GPATCH8: variants seen among roughly 807,000 people sequenced by gnomAD.
GPATCH8 encodes G patch domain-containing protein 8.
Under a neutral mutation model 118.3 loss-of-function variants are expected in GPATCH8, and 18 were observed. The ratio of observed to expected loss-of-function variants is 0.15; its 90% confidence interval spans 0.11 to 0.23. GPATCH8 has a LOEUF of 0.23. Among genes scored for constraint, GPATCH8 ranks in the 10% least tolerant of loss-of-function variants. The pLI, the probability that GPATCH8 is intolerant of heterozygous loss-of-function variation, is 1.00. For synonymous variants in GPATCH8, 659 were observed against 684.7 expected, an observed-to-expected ratio of 0.96 and a Z score of 0.59; for missense variants, 1,631 against 1,873.8, an observed-to-expected ratio of 0.87 and a Z score of 2.39.
rs766783789 is a variant in GPATCH8, at chr17:44,396,435, C to T, written c.*1133G>A. 2.9e-5 allele frequency: 13 copies of T among 454,284 alleles called. No homozygotes were observed. Among genetic ancestry groups the T allele is most frequent in the African/African-American group, 1.0e-4 (5 of 50,000 alleles). The allele number at this position is 454,284 out of a possible 1,614,324, so 28.1% of individuals were successfully genotyped here. On this transcript the variant is annotated 3_prime_UTR_variant, in exon 8 of 8. Transcript: ENST00000591680. Reference sequence around the variant, plus strand: ...AAAAATCCCAATACTGGGGGCACTACATACTGCAAATTACTTAACATTTTG... The same window carrying T: ...AAAAATCCCAATACTGGGGGCACTATATACTGCAAATTACTTAACATTTTG...
intron 1 of GPATCH8, among the ~76,000 whole-genome samples, chr17:44,479,961 G>A (rs1426191303): frequency 7.2e-5 from 8 of 111,162 alleles, no homozygotes; most frequent in South Asian, 2.7e-4. Flanking sequence ...GCAAGACTCC[G>A]TCTCAAAAAA....
At chr17:44,408,972 T>G (rs2049333300) in intron 6 of GPATCH8, 1 of 152,202 alleles carries the variant, frequency 6.6e-6, no homozygotes. Flanking sequence ...ACCCCAACCT[T>G]GAGACAGGAC....
chr17:44,400,138 G>C lies in GPATCH8; in HGVS notation c.1939C>G (p.Pro647Ala). The change falls in exon 8 of 8, where the codon CCT becomes GCT. Residue 647 changes from proline (P) to alanine (A), a missense_variant. Pro to Ala is a conservative substitution (Grantham distance 27). Transcript: ENST00000591680. ...SACSGLNKQEPGGSHGSETED... is the reference protein window; with the variant it reads ...SACSGLNKQEAGGSHGSETED... ...GTCTCAGACCCATGGCTACCCCCAGGCTCCTGCTTGTTCAGGCCGCTACAG... is the reference window on the plus strand; with the variant it reads ...GTCTCAGACCCATGGCTACCCCCAGCCTCCTGCTTGTTCAGGCCGCTACAG... The C allele has an allele frequency of 6.2e-7, 1 of 1,613,818 alleles. No individual in the cohort carries two copies. The highest frequency in any genetic ancestry group is 1.1e-5 in the South Asian group (1 of 91,066).
Position 44,398,392 on chromosome 17 carries a change from G to T in GPATCH8, c.3685C>A (p.His1229Asn). The T allele has an allele frequency of 6.2e-7, 1 of 1,613,996 alleles. No individual in the cohort carries two copies. The highest frequency in any genetic ancestry group is 1.1e-5 in the South Asian group (1 of 91,084). ...GGGTCCCCAGGGTAGCAGTCAGAATGTGCTGGGGTGCCTAGTGGAGCCACA... is the reference window on the plus strand; with the variant it reads ...GGGTCCCCAGGGTAGCAGTCAGAATTTGCTGGGGTGCCTAGTGGAGCCACA... ...HPVAPLGTPAHSDCYPGDPTI... is the reference protein window; with the variant it reads ...HPVAPLGTPANSDCYPGDPTI... The change falls in exon 8 of 8, where the codon CAT becomes AAT. Residue 1229 changes from histidine to asparagine, a missense_variant. His to Asn is a moderately conservative substitution (Grantham distance 68). Around this residue, in one of 8 missense-constraint regions of GPATCH8, gnomAD observed 922 missense variants for 879.7 expected, o/e 1.05. Transcript: ENST00000591680.
At chr17:44,466,944 CT>C (rs929441129) in intron 2 of GPATCH8, among the ~76,000 whole-genome samples, 1 of 148,976 alleles carries the variant, frequency 6.7e-6, no homozygotes, top group African/African-American at 2.5e-5. Context: ...GTTGTTGTTT[CT>C]TTTTTAAAGA....
Position 44,456,141 on chromosome 17 carries a change from G to A in GPATCH8, c.193+8331C>T, listed in dbSNP as rs2051323171. Among the ~76,000 whole-genome samples the A allele has an allele frequency of 2.0e-5, 3 of 152,144 alleles. No homozygotes were observed. The South Asian group carries it at 6.2e-4, about 31-fold the overall frequency. ...TATTTATAGAGACAGGTCTAGCTAT[G>A]TTGCCCAGGCTAAGGTGCAGGAAGT... On this transcript the variant is annotated intron_variant, in intron 3 of 7. Coordinates refer to ENST00000591680, the MANE Select transcript of GPATCH8 (RefSeq NM_001002909.4).
intron 5 of GPATCH8, among the ~76,000 whole-genome samples, chr17:44,432,047 G>GT (rs762963401): frequency 0.021 from 2,886 of 136,030 alleles, 55 homozygotes; most frequent in African/African-American, 0.051. Context: ...ATCAGAGTGG[G>GT]TTTTTTTTTT....
chr17:44,450,806 TCA>T lies in GPATCH8; in HGVS notation c.193+13664_193+13665del, dbSNP rs537515236. On this transcript the variant is annotated intron_variant, in intron 3 of 7. Coordinates refer to ENST00000591680, the MANE Select transcript of GPATCH8 (RefSeq NM_001002909.4). ...GGAAGAATAAAGAGATTCCACTAAC[TCA>T]CAGACACCTGTACTCCATGTATCTA... Among the ~76,000 whole-genome samples, 330 of 152,300 alleles carry T rather than the reference TCA, an allele frequency of 2.2e-3. 1 individual carries two copies. Among genetic ancestry groups the T allele is most frequent in the African/African-American group, 7.6e-3 (314 of 41,576 alleles).
chr17:44,463,387 AT>A (rs2051636845), intron 3 of GPATCH8, among the ~76,000 whole-genome samples: 2 of 152,036 alleles, frequency 1.3e-5, no homozygotes, highest in African/African-American at 4.8e-5. Flanking sequence ...GATTCCCGTA[AT>A]TTTTTTCTTT....
chr17:44,445,846 ATATACT>A (rs1051711463), intron 3 of GPATCH8: 1 of 152,116 alleles, frequency 6.6e-6, no homozygotes, highest in African/African-American at 2.4e-5. Flanking sequence ...AAAAGAAAAA[ATATACT>A]TGTAAAGAGT....
At chr17:44,410,312 T>C (rs997861558) in intron 6 of GPATCH8, among the ~76,000 whole-genome samples, 10 of 152,180 alleles carry the variant, frequency 6.6e-5, no homozygotes, top group Admixed American at 3.9e-4. Flanking sequence ...CAGGTGAGAA[T>C]AGAGAAACAT....
In GPATCH8 at chr17:44,399,578, T is replaced by C. The variant is rs374128961; in HGVS notation, c.2499A>G (p.Pro833=). ...ASSHRLHQKS[P]SQYSEEEEEE... is the part of the protein sequence containing the mutation. ...CTTCTTCTTCCTCACTGTACTGGGA[T>C]GGAGACTTCTGGTGCAGCCGGTGTG... is the stretch of plus-strand genomic sequence containing the variant. The change falls in exon 8 of 8, where the codon CCA becomes CCG. Residue 833 remains proline (P), a synonymous_variant. Transcript: ENST00000591680. 1 of 1,614,170 alleles carries C rather than the reference T, an allele frequency of 6.2e-7. No homozygotes were observed.
At chr17:44,414,764 G>C (rs979328425) in intron 6 of GPATCH8, among the ~76,000 whole-genome samples, 1 of 152,050 alleles carries the variant, frequency 6.6e-6, no homozygotes, top group African/African-American at 2.4e-5. Flanking sequence ...CCTAGCCCCA[G>C]GAATCTACTA....
chr17:44,397,981 T>C lies in GPATCH8; in HGVS notation c.4096A>G (p.Thr1366Ala), dbSNP rs1567920727. 1.2e-6 allele frequency: 2 copies of C among 1,614,082 alleles called. No homozygotes were observed. Among genetic ancestry groups the C allele is most frequent in the Non-Finnish European group, 8.5e-7 (1 of 1,179,944 alleles). ...GTTGTGATGGAGGTGGCAGAGGCTG[T>C]AGCTGGCTGCTGAATGTGGATGGGT... ...LQPIHIQQPA[T>A]ASATSITTVQ... is the part of the protein sequence containing the mutation. The change falls in exon 8 of 8, where the codon ACA becomes GCA. Residue 1366 changes from threonine to alanine, a missense_variant. Physicochemically the swap from Thr to Ala is moderately conservative, Grantham distance 58 (BLOSUM62 0). Transcript: ENST00000591680.
At chr17:44,466,912 C>G (rs774970467) in intron 2 of GPATCH8, among the ~76,000 whole-genome samples, 7 of 152,068 alleles carry the variant, frequency 4.6e-5, no homozygotes, top group Non-Finnish European at 8.8e-5. Context: ...GTTGCTCCCC[C>G]CCCCTCCATT....
intron 1 of GPATCH8, among the ~76,000 whole-genome samples, chr17:44,485,909 T>G (rs1430652070): frequency 6.6e-6 from 1 of 152,206 alleles, no homozygotes; most frequent in Non-Finnish European, 1.5e-5. Context: ...TGTGTTTATT[T>G]AGAATAACTA....
chr17:44,499,473 A>T (rs1047616421), intron 1 of GPATCH8, among the ~76,000 whole-genome samples: 5 of 152,216 alleles, frequency 3.3e-5, no homozygotes, highest in Non-Finnish European at 7.3e-5. Context: ...CCATCTCAAA[A>T]AAATAAATAA....
At chr17:44,483,261 G>GT (rs1214254216) in intron 1 of GPATCH8, among the ~76,000 whole-genome samples, 1 of 81,574 alleles carries the variant, frequency 1.2e-5, no homozygotes, top group African/African-American at 4.9e-5. Context: ...TCTTTTTTTT[G>GT]TTTTTTTGAG....
chr17:44,415,237 GCCATC>G (rs1455309800), intron 6 of GPATCH8, among the ~76,000 whole-genome samples: 14 of 152,058 alleles, frequency 9.2e-5, no homozygotes, highest in Non-Finnish European at 1.8e-4. Flanking sequence ...TTTTATTTTA[GCCATC>G]CCAGTGGGTA....
Sources: allele counts gnomAD v4.1 joint callset (sites outside exome capture counted in the v4.1 genomes callset), GRCh38; gene constraint gnomAD v4.1.1; regional missense constraint gnomAD v4.1.1; transcripts MANE v1.5; gene names NCBI Gene and HGNC (gene_info 2026-07-23, HGNC 2026-07-21).